Variants in DLEU7 observed in about 807,000 individuals in gnomAD.
DLEU7 encodes leukemia-associated protein 7.
DLEU7 carries 17 observed loss-of-function variants against 16.0 expected under a neutral mutation model. The observed-to-expected ratio is 1.06, with a 90% CI of 0.73 to 1.59. DLEU7 has a LOEUF of 1.59. Ranked by LOEUF, DLEU7 falls within the 40% of genes most tolerant of loss-of-function variation. The probability of loss-of-function intolerance (pLI) is 0.00; values close to 1 mark genes in which losing one functional copy is unlikely to be tolerated. For missense variants in DLEU7, 308 were observed against 314.9 expected (o/e 0.98, Z 0.17); for synonymous variants, 113 against 139.8 (o/e 0.81, Z 1.35).
chr13:50,820,918 C>CT (rs149532243), downstream of DLEU7, among the ~76,000 whole-genome samples: 8 of 151,112 alleles, frequency 5.3e-5, no homozygotes, highest in Admixed American at 2.6e-4. Flanking sequence ...ATTTTAGATT[C>CT]TTTTTTTTTA....
chr13:50,803,775 C>T (rs192327117), intron 1 of DLEU7, among the ~76,000 whole-genome samples: 2 of 152,074 alleles, frequency 1.3e-5, no homozygotes, highest in Admixed American at 6.5e-5. Flanking sequence ...TAGAATTACA[C>T]GTGTAGCTTA....
chr13:50,755,506 G>T (rs11618557), intron 1 of DLEU7, among the ~76,000 whole-genome samples: 4 of 151,752 alleles, frequency 2.6e-5, no homozygotes, highest in African/African-American at 9.7e-5. Context: ...AGAACATTTT[G>T]TATTTCTATA....
In DLEU7 at chr13:50,797,764, A is replaced by T. The variant is rs544029739; in HGVS notation, c.459+45424T>A. ...ACACTGAATATCCCTTTGGTGTCAC[A>T]TATTTTATCTTGCCTAAAAATTATT... is the stretch of plus-strand genomic sequence containing the variant. On this transcript the variant is annotated intron_variant, in intron 1 of 1. Transcript: ENST00000400393. Among the ~76,000 whole-genome samples, 4 of 150,298 alleles carry T rather than the reference A, an allele frequency of 2.7e-5. No individual in the cohort carries two copies. In the Admixed American group the frequency reaches 2.7e-4, roughly 10 times the overall value.
chr13:50,842,395 T>G (rs1877695893), intron 1 of DLEU7, among the ~76,000 whole-genome samples: 1 of 152,164 alleles, frequency 6.6e-6, no homozygotes, highest in South Asian at 2.1e-4. Context: ...CTCAGAGAGA[T>G]TCGTGACCTT....
At chr13:50,756,622 A>G (rs1874766238) in intron 1 of DLEU7, among the ~76,000 whole-genome samples, 1 of 152,172 alleles carries the variant, frequency 6.6e-6, no homozygotes, top group South Asian at 2.1e-4. Context: ...GGGCTTGAGA[A>G]CTTGCCCCAG....
chr13:50,711,662 A>G (rs1017990038), downstream of DLEU7: 6 of 152,092 alleles, frequency 3.9e-5, no homozygotes, highest in African/African-American at 1.4e-4. Context: ...TTTGTTTGCA[A>G]AGTCTAATCT....
At chr13:50,768,646 A>G (rs640223) in intron 1 of DLEU7, among the ~76,000 whole-genome samples, 81,518 of 152,028 alleles carry the variant, frequency 0.54, 23,644 homozygotes, top group African/African-American at 0.76. Flanking sequence ...AGTAGTCCAT[A>G]GTATATATGT....
chr13:50,757,872 G>C (rs1352783097), intron 1 of DLEU7, among the ~76,000 whole-genome samples: 4 of 152,170 alleles, frequency 2.6e-5, no homozygotes, highest in African/African-American at 9.7e-5. Context: ...CCAGGAAAGA[G>C]AGAAGCACTC....
intron 1 of DLEU7, among the ~76,000 whole-genome samples, chr13:50,781,107 T>C (rs649031): frequency 0.93 from 140,849 of 152,268 alleles, 65,275 homozygotes; most frequent in East Asian, 1. Flanking sequence ...GCTATTTTTC[T>C]AAATCAAGTT....
chr13:50,778,109 C>G (rs1250559139), intron 1 of DLEU7, among the ~76,000 whole-genome samples: 1 of 152,054 alleles, frequency 6.6e-6, no homozygotes, highest in Non-Finnish European at 1.5e-5. Flanking sequence ...GTTCTGCAGC[C>G]TTAACAGGAA....
At chr13:50,797,173 A>G (rs762691515) in intron 1 of DLEU7, among the ~76,000 whole-genome samples, 2 of 152,116 alleles carry the variant, frequency 1.3e-5, no homozygotes, top group Non-Finnish European at 2.9e-5. Flanking sequence ...TGCAGAGAGT[A>G]GGTCTAGAAC....
In DLEU7 at chr13:50,726,205, C is replaced by G. The variant is rs1476786977; in HGVS notation, c.460-12965G>C. 1.3e-5 allele frequency among the ~76,000 whole-genome samples: 2 copies of G among 152,230 alleles called. No homozygotes were observed. The highest frequency in any genetic ancestry group is 2.9e-5 in the Non-Finnish European group (2 of 68,034). ...TTGCCAACCTCTGGGTGCTATTAGA[C>G]TCATGAGATCCCCAGCCAGGCCTCT... On this transcript the variant is annotated intron_variant, in intron 1 of 1. Coordinates refer to the DLEU7 transcript ENST00000400393. The surrounding 1 kb of genome is among the most constrained non-coding windows in gnomAD (Gnocchi z 4.0).
intron 1 of DLEU7, among the ~76,000 whole-genome samples, chr13:50,782,285 C>A (rs1013830559): frequency 2.0e-5 from 3 of 152,136 alleles, no homozygotes; most frequent in African/African-American, 7.2e-5. Context: ...AAGCCATTTC[C>A]AATAAATGGC....
At chr13:50,711,774 G>GGGGGGGGA (rs1873295100), downstream of DLEU7, 3 of 118,578 alleles carry the variant, frequency 2.5e-5, no homozygotes, top group African/African-American at 1.0e-4. Flanking sequence ...CCCAGTGGCG[G>GGGGGGGGA]GGGCGGGGGG....
At chr13:50,722,169 A>G (rs1593527697) in intron 1 of DLEU7, among the ~76,000 whole-genome samples, 1 of 152,142 alleles carries the variant, frequency 6.6e-6, no homozygotes, top group East Asian at 1.9e-4. Context: ...GACCTGCCCC[A>G]TCCTTGACTC....
chr13:50,784,625 C>G (rs1875748800), intron 1 of DLEU7, among the ~76,000 whole-genome samples: 1 of 152,186 alleles, frequency 6.6e-6, no homozygotes, highest in African/African-American at 2.4e-5. Context: ...CCTGGAGACA[C>G]TCACAGAGAG....
chr13:50,811,845 G>A (rs1424420176), intron 1 of DLEU7, among the ~76,000 whole-genome samples: 2 of 152,060 alleles, frequency 1.3e-5, no homozygotes, highest in African/African-American at 4.8e-5. Flanking sequence ...AAGGCAGGCG[G>A]ATCACTTGAG....
chr13:50,830,424 G>A, intron 1 of DLEU7, among the ~76,000 whole-genome samples: 1 of 152,220 alleles, frequency 6.6e-6, no homozygotes, highest in Non-Finnish European at 1.5e-5. Context: ...AGAGGGAAAT[G>A]AGACACATAG....
chr13:50,750,595 C>G (rs1459733903), intron 1 of DLEU7, among the ~76,000 whole-genome samples: 1 of 152,100 alleles, frequency 6.6e-6, no homozygotes, highest in Non-Finnish European at 1.5e-5. Flanking sequence ...TTTGTGTTAT[C>G]TATGATTTCT....
Sources: gnomAD v4.1 joint callset for allele counts (sites outside exome capture counted in the v4.1 genomes callset) on GRCh38, gnomAD v4.1.1 for gene constraint, Gnocchi (gnomAD v3.1) non-coding constraint, MANE v1.5 for transcripts, NCBI Gene and HGNC (gene_info 2026-07-23, HGNC 2026-07-21) for gene names.